Variants in XNDC1N observed in about 807,000 individuals in gnomAD.
The protein encoded by XNDC1N is XRCC1 N-terminal domain containing 1, N-terminal like.
chr11:71,885,461 T>C, the XNDC1N span, among the ~76,000 whole-genome samples: 1 of 152,138 alleles, frequency 6.6e-6, no homozygotes, highest in African/African-American at 2.4e-5. Context: ...TTTCTTCTTC[T>C]GTGAATTAGG....
the XNDC1N span, among the ~76,000 whole-genome samples, chr11:71,885,814 GT>G: frequency 6.2e-4 from 94 of 151,858 alleles, no homozygotes; most frequent in African/African-American, 2.1e-3. Context: ...TAATATTACT[GT>G]TTTCTAATGA....
chr11:71,906,792 C>T, the XNDC1N span, among the ~76,000 whole-genome samples: 1 of 152,084 alleles, frequency 6.6e-6, no homozygotes, highest in Non-Finnish European at 1.5e-5. Flanking sequence ...AAAACTATAA[C>T]GAAAAATTTC....
the XNDC1N span, among the ~76,000 whole-genome samples, chr11:71,874,824 T>A: frequency 6.6e-6 from 1 of 152,358 alleles, no homozygotes; most frequent in South Asian, 2.1e-4. Context: ...CTATCATTTA[T>A]TTTTACCTTA....
chr11:71,885,130 G>A, the XNDC1N span, among the ~76,000 whole-genome samples: 3 of 150,922 alleles, frequency 2.0e-5, no homozygotes, highest in African/African-American at 2.5e-5. Context: ...ACACCCGTCT[G>A]TATTGGGTGT....
At chr11:71,904,508 C>G in the XNDC1N span, among the ~76,000 whole-genome samples, 1 of 152,168 alleles carries the variant, frequency 6.6e-6, no homozygotes, top group Non-Finnish European at 1.5e-5. Flanking sequence ...TGAACATCCA[C>G]TGTGACATTT....
At chr11:71,904,160 G>A in the XNDC1N span, 10 of 445,876 alleles carry the variant, frequency 2.2e-5, no homozygotes, top group South Asian at 1.2e-4. Context: ...CCTTTTGTAG[G>A]ATGGGTTAAA....
At chr11:71,899,743 G>A in the XNDC1N span, among the ~76,000 whole-genome samples, 1 of 152,214 alleles carries the variant, frequency 6.6e-6, no homozygotes, top group African/African-American at 2.4e-5. Flanking sequence ...CCATGTGATA[G>A]TCTGAAAAGT....
At chr11:71,927,063 T>C in the XNDC1N span, among the ~76,000 whole-genome samples, 3 of 149,748 alleles carry the variant, frequency 2.0e-5, no homozygotes, top group Non-Finnish European at 4.4e-5. Flanking sequence ...ACCAGCAACA[T>C]AGTGGGACCC....
chr11:71,882,388 C>A, the XNDC1N span, among the ~76,000 whole-genome samples: 4,259 of 152,140 alleles, frequency 0.028, 69 homozygotes, highest in East Asian at 0.08. Flanking sequence ...GCCACCACCA[C>A]GCCTGGCTAA....
At chr11:71,902,907 T>TA in the XNDC1N span, among the ~76,000 whole-genome samples, 3 of 152,374 alleles carry the variant, frequency 2.0e-5, no homozygotes, top group Middle Eastern at 3.4e-3. Flanking sequence ...GAATTTGTTA[T>TA]ATATGACGAT....
the XNDC1N span, among the ~76,000 whole-genome samples, chr11:71,909,217 A>C: frequency 6.6e-6 from 1 of 152,042 alleles, no homozygotes; most frequent in East Asian, 1.9e-4. Context: ...ATAGCTAGCC[A>C]GGTGTTTGTA....
the XNDC1N span, among the ~76,000 whole-genome samples, chr11:71,880,568 T>A: frequency 6.6e-6 from 1 of 152,166 alleles, no homozygotes; most frequent in South Asian, 2.1e-4. Context: ...TTGGATTTCA[T>A]TTTTTCTTGT....
chr11:71,908,279 T>C, the XNDC1N span, among the ~76,000 whole-genome samples: 1 of 151,940 alleles, frequency 6.6e-6, no homozygotes, highest in Non-Finnish European at 1.5e-5. Context: ...GACTGTTTTC[T>C]AATGAATAAG....
chr11:71,917,062 G>A, the XNDC1N span: 1 of 224,126 alleles, frequency 4.5e-6, no homozygotes, highest in Non-Finnish European at 8.8e-6. Flanking sequence ...CACCCAGGCT[G>A]GAGTGCAATG....
At chr11:71,908,251 ATTAT>A in the XNDC1N span, among the ~76,000 whole-genome samples, 1 of 147,740 alleles carries the variant, frequency 6.8e-6, no homozygotes, top group South Asian at 2.1e-4. Flanking sequence ...AATATTAATA[ATTAT>A]TAGGAGCTAA....
At chr11:71,921,685 G>A in the XNDC1N span, among the ~76,000 whole-genome samples, 1 of 152,166 alleles carries the variant, frequency 6.6e-6, no homozygotes, top group Non-Finnish European at 1.5e-5. Context: ...GGGGGTGTGT[G>A]TGTGTGCACG....
chr11:71,874,974 G>A, the XNDC1N span, among the ~76,000 whole-genome samples: 1 of 152,060 alleles, frequency 6.6e-6, no homozygotes, highest in Non-Finnish European at 1.5e-5. Flanking sequence ...CTCCATATAA[G>A]TTAAGCACAC....
chr11:71,899,727 T>A, the XNDC1N span, among the ~76,000 whole-genome samples: 5 of 152,296 alleles, frequency 3.3e-5, no homozygotes, highest in East Asian at 9.7e-4. Flanking sequence ...TGTCCAAGTT[T>A]TCTCCCCATG....
chr11:71,917,796 A>T, the XNDC1N span: 1 of 702,940 alleles, frequency 1.4e-6, no homozygotes, highest in South Asian at 1.5e-5. Context: ...AAAGGTTGAG[A>T]GAAGGATAAG....
Sources: allele counts gnomAD v4.1 joint callset (sites outside exome capture counted in the v4.1 genomes callset), GRCh38; gene constraint gnomAD v4.1.1; transcripts MANE v1.5; gene names NCBI Gene and HGNC (gene_info 2026-07-23, HGNC 2026-07-21).